The following EXOC6B variants were observed in gnomAD, a reference collection of about 807,000 sequenced individuals.
EXOC6B encodes exocyst complex component 6B.
EXOC6B carries 54 observed loss-of-function variants against 113.5 expected under a neutral mutation model. The observed-to-expected ratio is 0.48, with a 90% CI of 0.38 to 0.60. The LOEUF (loss-of-function observed/expected upper bound fraction) is 0.60, where lower values mean the gene tolerates loss of function less well. Among genes scored for constraint, EXOC6B ranks in the 20% least tolerant of loss-of-function variants. The pLI is 0.00. For synonymous variants in EXOC6B, 357 were observed against 339.0 expected (o/e 1.05, Z -0.58); for missense variants, 797 against 977.5 (o/e 0.82, Z 2.46).
intron 18 of EXOC6B, among the ~76,000 whole-genome samples, chr2:72,404,149 G>T (rs1371295480): frequency 6.6e-6 from 1 of 152,202 alleles, no homozygotes; most frequent in African/African-American, 2.4e-5. Context: ...CAAGGCAGCG[G>T]GGAGGCTGGG....
At chr2:72,235,863 A>T (rs955609535) in intron 20 of EXOC6B, among the ~76,000 whole-genome samples, 1 of 151,970 alleles carries the variant, frequency 6.6e-6, no homozygotes, top group African/African-American at 2.4e-5. Flanking sequence ...TGGTATTTAT[A>T]ATACGCCACT....
rs182530915 is a variant in EXOC6B at position 72,785,421 on chromosome 2, C to G, written c.113+40377G>C. Among the ~76,000 whole-genome samples the G allele has an allele frequency of 5.6e-3, 847 of 152,372 alleles. 7 individuals are homozygous for G. The highest frequency in any genetic ancestry group is 0.02 in the African/African-American group (819 of 41,602). ...CCCCATATTTCCCTTCTGCACTGCCCTAGCAGAGTTTCTTGATGAGGGACC... is the reference window on the plus strand; with the variant it reads ...CCCCATATTTCCCTTCTGCACTGCCGTAGCAGAGTTTCTTGATGAGGGACC... On this transcript the variant is annotated intron_variant, in intron 1 of 21. Coordinates refer to ENST00000272427, the MANE Select transcript of EXOC6B (RefSeq NM_015189.3).
intron 2 of EXOC6B, among the ~76,000 whole-genome samples, chr2:72,733,708 AAAGG>A (rs1355359950): frequency 6.6e-6 from 1 of 152,232 alleles, no homozygotes. Context: ...TTCATTATAT[AAAGG>A]AAATGGCATC....
At chr2:72,474,943 T>A (rs532750547) in intron 17 of EXOC6B, among the ~76,000 whole-genome samples, 9 of 152,222 alleles carry the variant, frequency 5.9e-5, no homozygotes, top group Non-Finnish European at 1.2e-4. Context: ...TCTATGCTGT[T>A]AGTTGGGTAG....
chr2:72,260,488 G>A (rs1224680574), intron 20 of EXOC6B, among the ~76,000 whole-genome samples: 1 of 152,168 alleles, frequency 6.6e-6, no homozygotes, highest in East Asian at 1.9e-4. Context: ...TTTAAAATAT[G>A]TCACCACACA....
At chr2:72,635,265 G>T (rs1352585713) in intron 6 of EXOC6B, among the ~76,000 whole-genome samples, 2 of 151,820 alleles carry the variant, frequency 1.3e-5, no homozygotes, top group Non-Finnish European at 2.9e-5. Context: ...GAAAATCAAT[G>T]AAACAAAAAG....
chr2:72,185,740 CTT>C (rs60868469), intron 20 of EXOC6B, among the ~76,000 whole-genome samples: 5 of 143,792 alleles, frequency 3.5e-5, no homozygotes, highest in Admixed American at 6.9e-5. Flanking sequence ...GTATTTCTTT[CTT>C]TTTTTTTTTT....
At chr2:72,446,872 C>T (rs1161236505) in intron 18 of EXOC6B, among the ~76,000 whole-genome samples, 1 of 152,170 alleles carries the variant, frequency 6.6e-6, no homozygotes, top group East Asian at 1.9e-4. Context: ...GAGGCCGAGG[C>T]AGGCAGATCA....
chr2:72,379,988 AT>A (rs1238444134), intron 18 of EXOC6B, 118 bp from the exon 19 acceptor site: 15 of 876,480 alleles, frequency 1.7e-5, no homozygotes, highest in Non-Finnish European at 2.5e-5. Context: ...GGTTCTCCTC[AT>A]CATAATACCC....
At chr2:72,823,459 G>GAAAAAAAAAAACAAAAA (rs1686694097) in intron 1 of EXOC6B, among the ~76,000 whole-genome samples, 1 of 70,030 alleles carries the variant, frequency 1.4e-5, no homozygotes. Context: ...AAAGTTTTAA[G>GAAAAAAAAAAACAAAAA]AAAAAAAAAA....
chr2:72,792,266 C>T (rs1317096881), intron 1 of EXOC6B, among the ~76,000 whole-genome samples: 1 of 152,148 alleles, frequency 6.6e-6, no homozygotes, highest in Non-Finnish European at 1.5e-5. Flanking sequence ...ACCGTGAACC[C>T]TTTGTCTAGG....
At chr2:72,230,360 C>T (rs746823906) in intron 20 of EXOC6B, among the ~76,000 whole-genome samples, 1 of 152,116 alleles carries the variant, frequency 6.6e-6, no homozygotes, top group Non-Finnish European at 1.5e-5. Flanking sequence ...AGTAGAAAGA[C>T]AAGATTGAAT....
At chr2:72,712,223 A>G (rs1473783656) in intron 6 of EXOC6B, among the ~76,000 whole-genome samples, 1 of 152,152 alleles carries the variant, frequency 6.6e-6, no homozygotes, top group Non-Finnish European at 1.5e-5. Flanking sequence ...AATTTTTTTA[A>G]AGTAATTCTA....
Position 72,498,500 on chromosome 2 carries a change from C to T in EXOC6B, c.1291G>A (p.Asp431Asn). 1 of 1,611,606 alleles carries T rather than the reference C, an allele frequency of 6.2e-7. No individual in the cohort carries two copies. The highest frequency in any genetic ancestry group is 8.5e-7 in the Non-Finnish European group (1 of 1,179,028). The change falls in exon 13 of 22, where the codon GAC becomes AAC. Residue 431 changes from aspartate to asparagine, a missense_variant. Physicochemically the swap from Asp to Asn is conservative, Grantham distance 23 (BLOSUM62 1). Transcript: ENST00000272427. ...QLFDMLLEIRDQYSETLLKKW... is the reference protein window; with the variant it reads ...QLFDMLLEIRNQYSETLLKKW... ...TTTAGCAGAGTTTCACTATATTGGT[C>T]TCTGATTTCTAACAGCATGTCAAAA...
intron 18 of EXOC6B, among the ~76,000 whole-genome samples, chr2:72,404,888 C>T (rs920599404): frequency 5.9e-5 from 9 of 152,062 alleles, no homozygotes; most frequent in African/African-American, 2.2e-4. Flanking sequence ...GAGAAGAAGG[C>T]TTCAGACGAT....
rs1344357854 is a variant in EXOC6B, at chr2:72,496,552, G to A, written c.1345C>T (p.Leu449Phe). The A allele has an allele frequency of 6.6e-7, 1 of 1,511,922 alleles. No homozygotes were observed. The highest frequency in any genetic ancestry group is 1.4e-5 in the African/African-American group (1 of 72,248). 93.7% of individuals were successfully genotyped at this position (1,511,922 alleles called of 1,614,324 possible). Residue 449 changes from leucine to phenylalanine, a missense_variant, in exon 14 of 22, where the codon CTT becomes TTT. Physicochemically the swap from Leu to Phe is conservative, Grantham distance 22. Transcript: ENST00000272427. ...KKWAGIFRNI[L>F]DSDNYSPIPV... ...ATAGGACTGTAGTTGTCAGAATCAA[G>A]TATGTTTCTATAAATGGAAGGATAG...
intron 1 of EXOC6B, among the ~76,000 whole-genome samples, chr2:72,806,098 T>G (rs1045268298): frequency 8.5e-5 from 13 of 152,296 alleles, no homozygotes; most frequent in East Asian, 1.9e-4. Context: ...TATAGCATGA[T>G]GCTAAGGTTT....
intron 20 of EXOC6B, among the ~76,000 whole-genome samples, chr2:72,221,725 G>A (rs1251664660): frequency 6.6e-6 from 1 of 152,168 alleles, no homozygotes; most frequent in Non-Finnish European, 1.5e-5. Flanking sequence ...ATAAGTGAAT[G>A]AATGAATAAT....
Position 72,575,691 on chromosome 2 carries a change from C to A in EXOC6B, c.670-23G>T, listed in dbSNP as rs767670028. 8 of 1,513,728 alleles carry A rather than the reference C, an allele frequency of 5.3e-6. No individual in the cohort carries two copies. In the East Asian group the frequency reaches 1.3e-4, roughly 24 times the overall value. 93.8% of individuals were successfully genotyped at this position (1,513,728 alleles called of 1,614,324 possible). On this transcript the variant is annotated intron_variant, in intron 6 of 21. Coordinates refer to ENST00000272427, the MANE Select transcript of EXOC6B (RefSeq NM_015189.3). ...GGCCTAGGATAGAGAAGAACACACA[C>A]AAACACACCAAAAAGGTGGGGTTAG...
Sources: allele counts gnomAD v4.1 joint callset (sites outside exome capture counted in the v4.1 genomes callset), GRCh38; gene constraint gnomAD v4.1.1; transcripts MANE v1.5; gene names NCBI Gene and HGNC (gene_info 2026-07-23, HGNC 2026-07-21).